VPS35L: variants seen among roughly 807,000 people sequenced by gnomAD.
VPS35L encodes VPS35 endosomal protein sorting factor like, also known as VPS35 endosomal protein-sorting factor-like.
VPS35L carries 83 observed loss-of-function variants against 133.0 expected under a neutral mutation model. The ratio of observed to expected loss-of-function variants is 0.62; its 90% confidence interval spans 0.52 to 0.75. The LOEUF (loss-of-function observed/expected upper bound fraction) is 0.75. VPS35L is among the 30% of genes least tolerant of loss of function. VPS35L has a pLI of 0.00. For synonymous variants in VPS35L, 423 were observed against 449.9 expected, an observed-to-expected ratio of 0.94 and a Z score of 0.76; for missense variants, 1,083 against 1,206.8, an observed-to-expected ratio of 0.90 and a Z score of 1.52.
intron 24 of VPS35L, among the ~76,000 whole-genome samples, chr16:19,649,122 A>G (rs986840003): frequency 6.6e-6 from 1 of 151,852 alleles, no homozygotes; most frequent in Non-Finnish European, 1.5e-5. Context: ...CCGAGTAGCT[A>G]TAATTACAGG....
chr16:19,567,047 C>T (rs1270253298), intron 2 of VPS35L, among the ~76,000 whole-genome samples: 3 of 152,056 alleles, frequency 2.0e-5, no homozygotes, highest in East Asian at 3.9e-4. Flanking sequence ...CCACTGTGCC[C>T]GGCCCAGTTG....
Position 19,629,917 on chromosome 16 carries a change from G to T in VPS35L, c.1554+97G>T, listed in dbSNP as rs775286572. The T allele has an allele frequency of 7.2e-6, 8 of 1,107,676 alleles. No homozygotes were observed. In the African/African-American group the frequency reaches 1.1e-4, roughly 15 times the overall value. The allele number at this position is 1,107,676 out of a possible 1,614,324, so 68.6% of individuals were successfully genotyped here. ...TTTAGGTATTGAGGCATTTGACAAC[G>T]GTACTTGCTCTTGTAATTTATAAAA... On this transcript the variant is annotated intron_variant, in intron 18 of 30. Coordinates refer to ENST00000417362, the MANE Select transcript of VPS35L (RefSeq NM_020314.7).
At chr16:19,645,854 T>C (rs577537568) in intron 23 of VPS35L, among the ~76,000 whole-genome samples, 2 of 152,374 alleles carry the variant, frequency 1.3e-5, no homozygotes, top group African/African-American at 2.4e-5. Context: ...ATGGAAACTA[T>C]GCCGGGCAGG....
intron 21 of VPS35L, among the ~76,000 whole-genome samples, 182 bp from the exon 22 acceptor site, chr16:19,642,210 AAAAG>A (rs1174923453): frequency 5.3e-5 from 8 of 152,294 alleles, no homozygotes; most frequent in African/African-American, 1.9e-4. Context: ...ACTCTGTCTC[AAAAG>A]TTTAAAAAAG....
At chr16:19,617,463 T>C (rs1352473046) in intron 14 of VPS35L, 1 of 154,562 alleles carries the variant, frequency 6.5e-6, no homozygotes, top group Middle Eastern at 3.4e-3. Flanking sequence ...AACCTTCATG[T>C]ACCCCTTTTG....
chr16:19,672,301 C>G (rs901977245), intron 27 of VPS35L, among the ~76,000 whole-genome samples: 2 of 152,146 alleles, frequency 1.3e-5, no homozygotes, highest in African/African-American at 4.8e-5. Context: ...GTAAGTGGTC[C>G]TAGGACCATA....
intron 7 of VPS35L, among the ~76,000 whole-genome samples, chr16:19,590,134 GCCCCGCC>G (rs1180590729): frequency 0.033 from 672 of 20,502 alleles, 15 homozygotes; most frequent in East Asian, 0.15. Flanking sequence ...TTACATTCCC[GCCCCGCC>G]CCCCCCCCCC....
Position 19,700,699 on chromosome 16 carries a change from G to A in VPS35L, c.*223G>A. 1 of 520,946 alleles carries A rather than the reference G, an allele frequency of 1.9e-6. No individual in the cohort carries two copies. The highest frequency in any genetic ancestry group is 3.4e-6 in the Non-Finnish European group (1 of 293,062). 32.3% of individuals were successfully genotyped at this position (520,946 alleles called of 1,614,324 possible). A position where few individuals can be genotyped will look rare whatever the true frequency, so the allele number is the denominator to read the frequency against. On this transcript the variant is annotated 3_prime_UTR_variant, in exon 31 of 31. Transcript: ENST00000417362. ...CAATCTTCACTAAGAAGCAGTCTCTGTGTTGTCTTTGCACAAGTGGCCTTC... is the reference window on the plus strand; with the variant it reads ...CAATCTTCACTAAGAAGCAGTCTCTATGTTGTCTTTGCACAAGTGGCCTTC...
intron 26 of VPS35L, among the ~76,000 whole-genome samples, chr16:19,653,302 TACC>T (rs1329982114): frequency 1.3e-5 from 2 of 152,132 alleles, no homozygotes; most frequent in African/African-American, 4.8e-5. Flanking sequence ...AGCAACAGGG[TACC>T]CACCCTGCAG....
chr16:19,646,758 T>C (rs921694694), intron 23 of VPS35L, among the ~76,000 whole-genome samples: 2 of 151,866 alleles, frequency 1.3e-5, no homozygotes, highest in African/African-American at 2.4e-5. Flanking sequence ...GGGGACCCAG[T>C]CTGGAGGGGA....
At chr16:19,654,281 C>T (rs1000435233) in intron 26 of VPS35L, among the ~76,000 whole-genome samples, 3 of 152,074 alleles carry the variant, frequency 2.0e-5, no homozygotes, top group African/African-American at 7.2e-5. Context: ...GCACACTCCA[C>T]AATCCGATGC....
intron 8 of VPS35L, among the ~76,000 whole-genome samples, chr16:19,593,727 G>A (rs1443100213): frequency 3.9e-5 from 6 of 152,024 alleles, no homozygotes; most frequent in Admixed American, 3.9e-4. Context: ...GACCAGCCTG[G>A]CCAACATGGT....
Position 19,575,132 on chromosome 16 carries a change from G to A in VPS35L, c.433+10G>A. On this transcript the variant is annotated intron_variant, in intron 5 of 30. Transcript: ENST00000417362. The stretch of plus-strand genomic sequence containing the variant: ...ATGGGATCTGAAAAAGGTAAGATGA[G>A]TTTGTTGTTGTTTTGATGGGAAAAT... 1 of 1,605,428 alleles carries A rather than the reference G, an allele frequency of 6.2e-7. No individual in the cohort carries two copies. Among genetic ancestry groups the A allele is most frequent in the Non-Finnish European group, 8.5e-7 (1 of 1,174,610 alleles).
rs559219900 is a variant in VPS35L, at chr16:19,628,797, A to ATTTAT, written c.1500+47_1500+51dup. The ATTTAT allele has an allele frequency of 7.5e-4, 670 of 889,932 alleles. 5 individuals carry two copies. The African/African-American group carries it at 0.011, about 15-fold the overall frequency. 55.1% of individuals were successfully genotyped at this position (889,932 alleles called of 1,614,324 possible). On this transcript the variant is annotated intron_variant, in intron 17 of 30. Transcript: ENST00000417362. ...TTTATTTTTATTTATTTATTTATTT[A>ATTTAT]TTTATTTATTTTGAGATGAAGTCTT...
At chr16:19,671,377 G>C (rs1974866517) in intron 27 of VPS35L, among the ~76,000 whole-genome samples, 1 of 151,634 alleles carries the variant, frequency 6.6e-6, no homozygotes, top group African/African-American at 2.4e-5. Context: ...GCTGAGGCAG[G>C]AGAATCGCTT....
At chr16:19,609,448 C>T (rs985651177) in intron 11 of VPS35L, among the ~76,000 whole-genome samples, 1 of 152,080 alleles carries the variant, frequency 6.6e-6, no homozygotes, top group Non-Finnish European at 1.5e-5. Context: ...ACACGGTGGG[C>T]CCATCCTCCA....
chr16:19,692,985 A>G (rs1975751224), intron 29 of VPS35L, among the ~76,000 whole-genome samples: 1 of 152,256 alleles, frequency 6.6e-6, no homozygotes, highest in Non-Finnish European at 1.5e-5. Flanking sequence ...TTGAAAGGGC[A>G]GAGACCTACA....
chr16:19,654,577 G>C (rs548071783), intron 26 of VPS35L, among the ~76,000 whole-genome samples: 1 of 151,728 alleles, frequency 6.6e-6, no homozygotes, highest in Non-Finnish European at 1.5e-5. Context: ...ACAACAATGG[G>C]TTAGTGAGAA....
In VPS35L at chr16:19,621,070, C is replaced by T. The variant is rs1973064180; in HGVS notation, c.1224+4262C>T. Among the ~76,000 whole-genome samples, 3 of 151,974 alleles carry T rather than the reference C, an allele frequency of 2.0e-5. No individual in the cohort carries two copies. In the South Asian group the frequency reaches 6.2e-4, roughly 32 times the overall value. The stretch of plus-strand genomic sequence containing the variant: ...TATATCCATGGCATGGATTAAATAG[C>T]CATGGATTAAAAGAGTGAGGTAGAT... On this transcript the variant is annotated intron_variant, in intron 14 of 30. Transcript: ENST00000417362.
Sources: gnomAD v4.1 joint callset for allele counts (sites outside exome capture counted in the v4.1 genomes callset) on GRCh38, gnomAD v4.1.1 for gene constraint, MANE v1.5 for transcripts, NCBI Gene and HGNC (gene_info 2026-07-23, HGNC 2026-07-21) for gene names.